The following CEMIP variants were observed in gnomAD, a reference collection of about 807,000 sequenced individuals.
The protein encoded by CEMIP is cell migration-inducing and hyaluronan-binding protein.
Under a neutral mutation model 156.9 loss-of-function variants are expected in CEMIP, and 105 were observed. That is an observed-to-expected ratio of 0.67 (90% CI 0.57 to 0.79). The LOEUF (loss-of-function observed/expected upper bound fraction) is 0.79. Ranked by LOEUF, CEMIP falls within the 30% of genes least tolerant of loss-of-function variation. The pLI is 0.00. For missense variants in CEMIP, 1,457 were observed against 1,769.4 expected (o/e 0.82, Z 3.17); for synonymous variants, 676 against 668.4 (o/e 1.01, Z -0.17).
chr15:80,879,163 G>A (rs2141823281), intron 4 of CEMIP, among the ~76,000 whole-genome samples: 1 of 152,294 alleles, frequency 6.6e-6, no homozygotes, highest in South Asian at 2.1e-4. Context: ...ATGCAGTGAT[G>A]GCATTTGACC....
chr15:80,890,782 C>T (rs1202029905), intron 10 of CEMIP, among the ~76,000 whole-genome samples: 1 of 152,210 alleles, frequency 6.6e-6, no homozygotes, highest in Non-Finnish European at 1.5e-5. Flanking sequence ...CTGGGCAGAA[C>T]TTCTACCCTC....
chr15:80,937,266 A>T (rs1360522833), intron 24 of CEMIP, among the ~76,000 whole-genome samples: 1 of 152,222 alleles, frequency 6.6e-6, no homozygotes, highest in Non-Finnish European at 1.5e-5. Context: ...TCCTACAGAG[A>T]GGGAAACGAG....
At position 80,951,363 on chromosome 15, in the gene CEMIP, C is replaced by T. The variant is rs190564656; in HGVS notation, c.*2439C>T. ...CATTCACCAAGAGCCAATATCTAGG[C>T]ATTTTCTTGGTAGCACAAATTTTCT... On this transcript the variant is annotated 3_prime_UTR_variant, in exon 30 of 30. Transcript: ENST00000394685. 2.6e-5 allele frequency: 4 copies of T among 152,680 alleles called. No homozygotes were observed. The East Asian group carries it at 7.7e-4, about 29-fold the overall frequency. 9.5% of individuals were successfully genotyped at this position (152,680 alleles called of 1,614,324 possible).
intron 14 of CEMIP, 139 bp from the exon 15 acceptor site, chr15:80,919,955 T>C (rs994672314): frequency 8.5e-6 from 7 of 822,770 alleles, no homozygotes; most frequent in South Asian, 1.4e-5. Context: ...GTTGAATGAA[T>C]GAATGAGCAC....
intron 12 of CEMIP, among the ~76,000 whole-genome samples, chr15:80,899,512 G>A (rs1344487575): frequency 1.3e-5 from 2 of 152,184 alleles, no homozygotes; most frequent in Non-Finnish European, 2.9e-5. Flanking sequence ...ATGAGTGACT[G>A]AGCTGAGACA....
At chr15:80,849,434 T>C (rs1342653060) in intron 1 of CEMIP, among the ~76,000 whole-genome samples, 1 of 152,194 alleles carries the variant, frequency 6.6e-6, no homozygotes, top group Non-Finnish European at 1.5e-5. Flanking sequence ...CACCATTGCC[T>C]TGGCGAGGAG....
intron 1 of CEMIP, among the ~76,000 whole-genome samples, chr15:80,806,025 A>T (rs570756098): frequency 6.6e-6 from 1 of 152,360 alleles, no homozygotes; most frequent in East Asian, 1.9e-4. Context: ...TTAATGGAAT[A>T]TTCTACACTC....
chr15:80,929,103 G>A lies in CEMIP; in HGVS notation c.2541G>A (p.Thr847=), dbSNP rs144700121. 230 of 1,614,212 alleles carry A rather than the reference G, an allele frequency of 1.4e-4. No individual in the cohort carries two copies. The Admixed American group carries it at 1.9e-3, about 13-fold the overall frequency. ...TTGGCGAGAGTGGCAACGTGGGGACGGAAATGATGGACAATAGGATCTGGG... is the reference window on the plus strand; with the variant it reads ...TTGGCGAGAGTGGCAACGTGGGGACAGAAATGATGGACAATAGGATCTGGG... The part of the protein sequence containing the change: ...LFVGESGNVG[T]EMMDNRIWGP... The change falls in exon 21 of 30, where the codon ACG becomes ACA. Residue 847 remains threonine (T), a synonymous_variant. Transcript: ENST00000394685.
intron 3 of CEMIP, among the ~76,000 whole-genome samples, chr15:80,877,726 G>T (rs1898520977): frequency 6.6e-6 from 1 of 152,202 alleles, no homozygotes; most frequent in Admixed American, 6.5e-5. Context: ...ACTCTTTCCT[G>T]TGCTTCTGCA....
intron 7 of CEMIP, among the ~76,000 whole-genome samples, chr15:80,886,009 T>C (rs1424062422): frequency 6.6e-6 from 1 of 152,190 alleles, no homozygotes; most frequent in African/African-American, 2.4e-5. Context: ...CTTGGACCCT[T>C]CATTTGTTCA....
In CEMIP at chr15:80,906,742, C is replaced by T; in HGVS notation, c.1491C>T (p.Asn497=). 6.2e-7 allele frequency: 1 copy of T among 1,614,178 alleles called. No homozygotes were observed. Among genetic ancestry groups the T allele is most frequent in the Non-Finnish European group, 8.5e-7 (1 of 1,180,018 alleles). The change falls in exon 13 of 30, where the codon AAC becomes AAT. Residue 497 remains asparagine (N), a synonymous_variant. Coordinates refer to ENST00000394685, the MANE Select transcript of CEMIP (RefSeq NM_001293298.2). The surrounding 1 kb of genome is among the most constrained non-coding windows in gnomAD (Gnocchi z 4.3). The stretch of plus-strand genomic sequence containing the variant: ...CGGAGGTTGGGCTTCTGAGCCGGAA[C>T]ATCATAGTGATGGGGGAGATGGAGG... ...MRAEVGLLSR[N]IIVMGEMEDK...
intron 1 of CEMIP, among the ~76,000 whole-genome samples, chr15:80,862,700 A>T (rs1206345329): frequency 1.3e-5 from 2 of 152,180 alleles, no homozygotes; most frequent in Non-Finnish European, 2.9e-5. Context: ...CAGCAGGTGG[A>T]TGAGGAGCAG....
At chr15:80,780,380 T>A (rs2141548517) in intron 1 of CEMIP, among the ~76,000 whole-genome samples, 1 of 152,250 alleles carries the variant, frequency 6.6e-6, no homozygotes, top group South Asian at 2.1e-4. Flanking sequence ...GGTCTCCAGC[T>A]CGCCGCTCTG....
At chr15:80,881,785 G>A (rs1898668907) in intron 6 of CEMIP, among the ~76,000 whole-genome samples, 1 of 152,202 alleles carries the variant, frequency 6.6e-6, no homozygotes. Flanking sequence ...TGTAGAGAAT[G>A]GTTTTAATTG....
rs1297013298 is a variant in CEMIP at position 80,932,822 on chromosome 15, GCCC to G, written c.2794-420_2794-418del. On this transcript the variant is annotated intron_variant, in intron 22 of 29. Transcript: ENST00000394685. The surrounding 1 kb of genome is among the most constrained non-coding windows in gnomAD (Gnocchi z 4.5). ...CATGCATCTTCTCTCGCACACGGAT[GCCC>G]CCGTGTATGTGTGTGTGTATGTGTA... Among the ~76,000 whole-genome samples, 2 of 152,166 alleles carry G rather than the reference GCCC, an allele frequency of 1.3e-5. No homozygotes were observed. The highest frequency in any genetic ancestry group is 2.9e-5 in the Non-Finnish European group (2 of 68,028).
chr15:80,929,151 C>G lies in CEMIP; in HGVS notation c.2589C>G (p.Ser863Arg). The G allele has an allele frequency of 6.2e-7, 1 of 1,614,116 alleles. No individual in the cohort carries two copies. Among genetic ancestry groups the G allele is most frequent in the Non-Finnish European group, 8.5e-7 (1 of 1,180,026 alleles). Residue 863 changes from serine to arginine, a missense_variant, in exon 21 of 30, where the codon AGC (serine) becomes AGG (arginine). Around this residue, in one of 5 missense-constraint regions of CEMIP, gnomAD observed 798 missense variants for 980.1 expected, o/e 0.81. Transcript: ENST00000394685. ...GGGGCCCTGGCGGCTTGGACCATAG[C>G]GGAAGGACCCTCCCTATAGGCCAGT... ...RIWGPGGLDH[S>R]GRTLPIGQNF...
At chr15:80,944,466 C>T (rs954202330) in intron 28 of CEMIP, among the ~76,000 whole-genome samples, 2 of 151,980 alleles carry the variant, frequency 1.3e-5, no homozygotes, top group African/African-American at 4.8e-5. Flanking sequence ...GGAGCCACAA[C>T]CTGGTGGAAA....
Position 80,889,524 on chromosome 15 carries a change from G to A in CEMIP, c.1018G>A (p.Gly340Arg). 3.1e-6 allele frequency: 5 copies of A among 1,614,140 alleles called. No individual in the cohort carries two copies. Among genetic ancestry groups the A allele is most frequent in the Non-Finnish European group, 4.2e-6 (5 of 1,180,000 alleles). Residue 340 changes from glycine to arginine, a missense_variant, in exon 10 of 30, where the codon GGG becomes AGG. Gly to Arg is a moderately radical substitution (Grantham distance 125, BLOSUM62 -2). Coordinates refer to ENST00000394685, the MANE Select transcript of CEMIP (RefSeq NM_001293298.2). ...DHDKVSQTKG[G>R]EKISDLWKAH... is the part of the protein sequence containing the mutation. ...TGATAAAGTATCTCAGACTAAAGGTGGGGAGAAAATTTCAGACCTCTGGAA... is the reference window on the plus strand; with the variant it reads ...TGATAAAGTATCTCAGACTAAAGGTAGGGAGAAAATTTCAGACCTCTGGAA...
At chr15:80,816,997 A>G (rs1896800961) in intron 1 of CEMIP, among the ~76,000 whole-genome samples, 1 of 152,192 alleles carries the variant, frequency 6.6e-6, no homozygotes, top group Non-Finnish European at 1.5e-5. Flanking sequence ...TATGTTTGTA[A>G]TATATACTCT....
Sources: allele counts gnomAD v4.1 joint callset (sites outside exome capture counted in the v4.1 genomes callset), GRCh38; gene constraint gnomAD v4.1.1; regional missense constraint gnomAD v4.1.1; non-coding constraint Gnocchi (gnomAD v3.1); transcripts MANE v1.5; gene names NCBI Gene and HGNC (gene_info 2026-07-23, HGNC 2026-07-21).